Variants in CCDC91 observed in about 807,000 individuals in gnomAD.
CCDC91 encodes the protein coiled-coil domain containing 91.
CCDC91 carries 48 observed loss-of-function variants against 63.2 expected under a neutral mutation model. The ratio of observed to expected loss-of-function variants is 0.76; its 90% CI spans 0.60 to 0.97. The LOEUF (loss-of-function observed/expected upper bound fraction) is 0.97. CCDC91 is among the 50% of genes least tolerant of loss of function. The pLI is 0.00. For synonymous variants in CCDC91, 167 were observed against 165.8 expected, an observed-to-expected ratio of 1.01 and a Z score of -0.06; for missense variants, 500 against 494.6, an observed-to-expected ratio of 1.01 and a Z score of -0.10.
intron 6 of CCDC91, 31 bp downstream of exon 6, chr12:28,307,780 T>G: frequency 8.5e-7 from 1 of 1,178,612 alleles, no homozygotes; most frequent in South Asian, 1.3e-5. Flanking sequence ...ATTTAAAATG[T>G]AAGCCTTTTG....
At chr12:28,415,609 T>G (rs1158799895) in intron 8 of CCDC91, among the ~76,000 whole-genome samples, 1 of 152,088 alleles carries the variant, frequency 6.6e-6, no homozygotes, top group East Asian at 1.9e-4. Flanking sequence ...ACATGGAAAT[T>G]TTTTTGTAAT....
At chr12:28,327,470 C>T (rs757573061) in intron 6 of CCDC91, among the ~76,000 whole-genome samples, 1 of 151,992 alleles carries the variant, frequency 6.6e-6, no homozygotes, top group Non-Finnish European at 1.5e-5. Flanking sequence ...GTGGAGTGGC[C>T]ATCTTCCTTG....
At chr12:28,494,474 TG>T (rs1280292300) in intron 12 of CCDC91, among the ~76,000 whole-genome samples, 3 of 151,776 alleles carry the variant, frequency 2.0e-5, no homozygotes, top group Non-Finnish European at 4.4e-5. Context: ...GCAAGATCAC[TG>T]GACCTCCAGA....
intron 12 of CCDC91, among the ~76,000 whole-genome samples, chr12:28,529,673 G>C (rs887114259): frequency 1.3e-5 from 2 of 152,136 alleles, no homozygotes; most frequent in Non-Finnish European, 2.9e-5. Flanking sequence ...ATATTTTTCA[G>C]TGAGACACGA....
At chr12:28,296,386 A>T (rs148610609) in intron 3 of CCDC91, among the ~76,000 whole-genome samples, 1 of 151,916 alleles carries the variant, frequency 6.6e-6, no homozygotes, top group Non-Finnish European at 1.5e-5. Flanking sequence ...TCCTCAAAGA[A>T]GCGAGTAGAG....
At chr12:28,344,553 G>A (rs1942672361) in intron 6 of CCDC91, among the ~76,000 whole-genome samples, 1 of 151,984 alleles carries the variant, frequency 6.6e-6, no homozygotes, top group Non-Finnish European at 1.5e-5. Flanking sequence ...TGAGACAGAA[G>A]GTTATGATAA....
chr12:28,450,399 C>T lies in CCDC91; in HGVS notation c.905C>T (p.Ala302Val). The T allele has an allele frequency of 6.2e-7, 1 of 1,611,482 alleles. No individual in the cohort carries two copies. Among genetic ancestry groups the T allele is most frequent in the Non-Finnish European group, 8.5e-7 (1 of 1,178,054 alleles). Residue 302 changes from alanine to valine, a missense_variant, in exon 10 of 13, where the codon GCA becomes GTA. Transcript: ENST00000536442. ...LEEERQRNKE[A>V]LVSAAKLEKE... Reference sequence around the variant, plus strand: ...GAAGAAAGGCAAAGAAATAAAGAGGCATTAGTATCCGCTGCAAAGGTATTT... The same window carrying T: ...GAAGAAAGGCAAAGAAATAAAGAGGTATTAGTATCCGCTGCAAAGGTATTT...
At chr12:28,374,871 A>C (rs1944847556) in intron 7 of CCDC91, among the ~76,000 whole-genome samples, 1 of 152,100 alleles carries the variant, frequency 6.6e-6, no homozygotes, top group African/African-American at 2.4e-5. Context: ...ATCCATGTTT[A>C]AACCAATTTA....
At chr12:28,513,348 T>C (rs893727245) in intron 12 of CCDC91, among the ~76,000 whole-genome samples, 6 of 151,886 alleles carry the variant, frequency 4.0e-5, no homozygotes, top group African/African-American at 1.4e-4. Flanking sequence ...AAGTTTTTAC[T>C]GTCATTTTTT....
At chr12:28,296,228 A>G (rs1226728290) in intron 3 of CCDC91, among the ~76,000 whole-genome samples, 5 of 151,756 alleles carry the variant, frequency 3.3e-5, no homozygotes, top group Admixed American at 1.3e-4. Flanking sequence ...TATGTTGACT[A>G]TGCTAGCAAA....
intron 1 of CCDC91, among the ~76,000 whole-genome samples, chr12:28,247,769 G>T (rs545974624): frequency 1.6e-4 from 25 of 152,302 alleles, no homozygotes; most frequent in Admixed American, 2.0e-4. Context: ...CCAGGGACTG[G>T]TTTTGTGGAA....
intron 3 of CCDC91, 23 bp downstream of exon 3, chr12:28,259,465 G>GTTTTT: frequency 5.2e-6 from 6 of 1,144,974 alleles, no homozygotes; most frequent in Non-Finnish European, 7.4e-6. Context: ...AGGAATTAGG[G>GTTTTT]TTTTTTTTTT....
intron 1 of CCDC91, among the ~76,000 whole-genome samples, chr12:28,234,260 T>A (rs1386055049): frequency 6.6e-6 from 1 of 152,162 alleles, no homozygotes. Flanking sequence ...AACACAGGTC[T>A]CCTTATTGGA....
intron 8 of CCDC91, among the ~76,000 whole-genome samples, chr12:28,415,892 C>G (rs1947625789): frequency 6.6e-6 from 1 of 151,802 alleles, no homozygotes; most frequent in Admixed American, 6.6e-5. Flanking sequence ...TGGTTTTGTT[C>G]TTGATATCAT....
At chr12:28,279,406 A>G (rs1244567725) in intron 3 of CCDC91, among the ~76,000 whole-genome samples, 1 of 152,146 alleles carries the variant, frequency 6.6e-6, no homozygotes, top group African/African-American at 2.4e-5. Flanking sequence ...AGAGAAGTTC[A>G]TAACTTCTTT....
At chr12:28,384,216 G>A (rs1000528179) in intron 7 of CCDC91, among the ~76,000 whole-genome samples, 27 of 151,958 alleles carry the variant, frequency 1.8e-4, no homozygotes, top group African/African-American at 6.5e-4. Flanking sequence ...ATCCAGATGA[G>A]GTTCAAGTAA....
chr12:28,197,719 T>G (rs1299342719), intron 1 of CCDC91, among the ~76,000 whole-genome samples: 10 of 152,122 alleles, frequency 6.6e-5, no homozygotes, highest in Admixed American at 5.2e-4. Flanking sequence ...ATTTTAATGC[T>G]AACAATAAAT....
At chr12:28,373,537 G>T (rs1209120675) in intron 7 of CCDC91, among the ~76,000 whole-genome samples, 2 of 152,078 alleles carry the variant, frequency 1.3e-5, no homozygotes, top group Non-Finnish European at 2.9e-5. Flanking sequence ...CAGATTGTAT[G>T]ATCTTTATCA....
intron 12 of CCDC91, among the ~76,000 whole-genome samples, chr12:28,503,821 A>G (rs1938311946): frequency 6.6e-6 from 1 of 151,982 alleles, no homozygotes; most frequent in African/African-American, 2.4e-5. Flanking sequence ...CATTCTCAGT[A>G]AACTATCACA....
Sources: allele counts gnomAD v4.1 joint callset (sites outside exome capture counted in the v4.1 genomes callset), GRCh38; gene constraint gnomAD v4.1.1; transcripts MANE v1.5; gene names NCBI Gene and HGNC (gene_info 2026-07-23, HGNC 2026-07-21).